PTCHD4: variants seen among roughly 807,000 people sequenced by gnomAD.
PTCHD4 encodes the protein patched domain-containing protein 4.
PTCHD4 carries 33 observed loss-of-function variants against 58.1 expected under a neutral mutation model. That is an observed-to-expected ratio of 0.57 (90% CI 0.43 to 0.76). The LOEUF (loss-of-function observed/expected upper bound fraction) is 0.76, where lower values mean the gene tolerates loss of function less well. PTCHD4 is among the 30% of genes least tolerant of loss of function. The pLI is 0.00. For synonymous variants in PTCHD4, 478 were observed against 409.6 expected, an observed-to-expected ratio of 1.17 and a Z score of -2.02; for missense variants, 1,058 against 1,027.1, an observed-to-expected ratio of 1.03 and a Z score of -0.41.
At chr6:47,923,167 T>C (rs1185813189) in intron 4 of PTCHD4, among the ~76,000 whole-genome samples, 1 of 152,166 alleles carries the variant, frequency 6.6e-6, no homozygotes, top group African/African-American at 2.4e-5. Flanking sequence ...AAATATGTTA[T>C]CATAAAAATA....
At chr6:48,014,193 A>G (rs1028938890) in intron 3 of PTCHD4, among the ~76,000 whole-genome samples, 4 of 152,158 alleles carry the variant, frequency 2.6e-5, no homozygotes, top group African/African-American at 9.6e-5. Flanking sequence ...AAGCTCCATT[A>G]AAAGGTCCAC....
At chr6:47,901,937 T>G in intron 4 of PTCHD4, 1 of 1,299,338 alleles carries the variant, frequency 7.7e-7, no homozygotes, top group Non-Finnish European at 1.0e-6. Flanking sequence ...TGGAGATGCC[T>G]TAAAAATAGT....
At chr6:47,974,935 T>C (rs1581959589) in intron 4 of PTCHD4, among the ~76,000 whole-genome samples, 1 of 152,222 alleles carries the variant, frequency 6.6e-6, no homozygotes, top group Non-Finnish European at 1.5e-5. Flanking sequence ...CATTCATTTA[T>C]TTTCATTCAA....
intron 1 of PTCHD4, among the ~76,000 whole-genome samples, chr6:48,075,707 T>C (rs1403471559): frequency 2.0e-5 from 3 of 152,238 alleles, no homozygotes; most frequent in Non-Finnish European, 4.4e-5. Flanking sequence ...CATAGCCTGT[T>C]AGTTGTCAAT....
chr6:48,072,777 A>G (rs554788131), intron 1 of PTCHD4, among the ~76,000 whole-genome samples: 1 of 152,256 alleles, frequency 6.6e-6, no homozygotes, highest in East Asian at 1.9e-4. Flanking sequence ...ACTCTCATCT[A>G]TTGCTACATA....
chr6:47,980,305 A>C (rs1767833600), intron 4 of PTCHD4, among the ~76,000 whole-genome samples: 1 of 152,064 alleles, frequency 6.6e-6, no homozygotes, highest in African/African-American at 2.4e-5. Context: ...TATATGCTAC[A>C]ATTTTTATTT....
intron 4 of PTCHD4, among the ~76,000 whole-genome samples, chr6:47,912,795 G>C (rs992557057): frequency 6.6e-6 from 1 of 152,088 alleles, no homozygotes; most frequent in African/African-American, 2.4e-5. Flanking sequence ...TTTGTTCCAA[G>C]AGCAGCACAG....
At chr6:47,954,646 C>T (rs952284006) in intron 4 of PTCHD4, among the ~76,000 whole-genome samples, 2 of 152,064 alleles carry the variant, frequency 1.3e-5, no homozygotes, top group Non-Finnish European at 2.9e-5. Flanking sequence ...TAATATATGC[C>T]ATTACTGGTA....
chr6:47,955,892 G>A (rs1766839686), intron 4 of PTCHD4, among the ~76,000 whole-genome samples: 1 of 151,988 alleles, frequency 6.6e-6, no homozygotes, highest in Admixed American at 6.5e-5. Context: ...CAAGTCCCAT[G>A]GTATAGAGCC....
At chr6:48,103,118 C>T (rs1247219765) in intron 1 of PTCHD4, among the ~76,000 whole-genome samples, 1 of 152,194 alleles carries the variant, frequency 6.6e-6, no homozygotes, top group African/African-American at 2.4e-5. Context: ...GTTCTCCCAG[C>T]ATGCAGCTTG....
intron 4 of PTCHD4, among the ~76,000 whole-genome samples, chr6:47,944,801 C>T (rs1766355583): frequency 2.6e-5 from 4 of 151,950 alleles, no homozygotes; most frequent in Admixed American, 6.6e-5. Context: ...AGTTAGGTGC[C>T]GGAAATACAA....
rs1008876978 is a variant in PTCHD4, at chr6:47,860,207, C to T, written c.*18096G>A. On this transcript the variant is annotated 3_prime_UTR_variant, in exon 5 of 5. Coordinates refer to ENST00000339488, the MANE Select transcript of PTCHD4 (RefSeq NM_001384253.1). The stretch of plus-strand genomic sequence containing the variant: ...TATTGTGAGTGACTATTTCTTCTGT[C>T]AGCATCTTTAAAGAGATTGCAAGCA... Among the ~76,000 whole-genome samples, 2 of 151,978 alleles carry T rather than the reference C, an allele frequency of 1.3e-5. No homozygotes were observed. Among genetic ancestry groups the T allele is most frequent in the East Asian group, 1.9e-4 (1 of 5,148 alleles).
intron 4 of PTCHD4, among the ~76,000 whole-genome samples, chr6:47,982,649 G>A (rs529967474): frequency 6.6e-6 from 1 of 152,056 alleles, no homozygotes; most frequent in East Asian, 1.9e-4. Context: ...CCACCAGGCC[G>A]GCTAATTTTT....
intron 4 of PTCHD4, among the ~76,000 whole-genome samples, chr6:48,007,165 G>A (rs912965320): frequency 6.6e-6 from 1 of 152,078 alleles, no homozygotes; most frequent in Non-Finnish European, 1.5e-5. Context: ...ATTTGAACCT[G>A]AGCAAGAGAG....
chr6:48,063,585 A>C (rs972026694), intron 3 of PTCHD4, among the ~76,000 whole-genome samples: 9 of 152,186 alleles, frequency 5.9e-5, no homozygotes, highest in African/African-American at 2.2e-4. Flanking sequence ...ACTTCAAGGA[A>C]GTCAACCTCC....
intron 4 of PTCHD4, among the ~76,000 whole-genome samples, chr6:48,005,850 A>T (rs1200825673): frequency 6.6e-6 from 1 of 152,238 alleles, no homozygotes; most frequent in African/African-American, 2.4e-5. Flanking sequence ...TATTTTATAT[A>T]TGAAGGACTT....
chr6:47,931,254 A>C (rs1653836215), intron 4 of PTCHD4, among the ~76,000 whole-genome samples: 1 of 152,222 alleles, frequency 6.6e-6, no homozygotes, highest in Non-Finnish European at 1.5e-5. Flanking sequence ...AATGATCACC[A>C]GTCTTACTCT....
chr6:47,981,907 A>C (rs1767894423), intron 4 of PTCHD4, among the ~76,000 whole-genome samples: 1 of 151,968 alleles, frequency 6.6e-6, no homozygotes, highest in African/African-American at 2.4e-5. Flanking sequence ...AGGAAAGATT[A>C]CTCCTGTTTT....
Position 47,857,727 on chromosome 6 carries a change from A to G in PTCHD4, c.*20576T>C, listed in dbSNP as rs892652143. ...GACTACTTATTTTCATTTGGGGAAC[A>G]GGAATGAAAACATTGTGAAGTAAAT... is the stretch of plus-strand genomic sequence containing the variant. On this transcript the variant is annotated 3_prime_UTR_variant, in exon 5 of 5. Coordinates refer to ENST00000339488, the MANE Select transcript of PTCHD4 (RefSeq NM_001384253.1). Among the ~76,000 whole-genome samples the G allele has an allele frequency of 2.0e-5, 3 of 152,046 alleles. No homozygotes were observed. Among genetic ancestry groups the G allele is most frequent in the African/African-American group, 7.2e-5 (3 of 41,436 alleles).
Sources: gnomAD v4.1 joint callset for allele counts (sites outside exome capture counted in the v4.1 genomes callset) on GRCh38, gnomAD v4.1.1 for gene constraint, MANE v1.5 for transcripts, NCBI Gene and HGNC (gene_info 2026-07-23, HGNC 2026-07-21) for gene names.